SNTG2: variants seen among roughly 807,000 people sequenced by gnomAD.
SNTG2 encodes the protein gamma-2-syntrophin.
A neutral mutation model predicts 70.9 loss-of-function variants in SNTG2; 74 were observed. The observed-to-expected ratio is 1.04, with a 90% confidence interval of 0.86 to 1.27. The LOEUF is 1.27. SNTG2 is among the 50% of genes most tolerant of loss of function. The pLI, the probability that SNTG2 is intolerant of heterozygous loss-of-function variation, is 0.00. For missense variants in SNTG2, 717 were observed against 690.7 expected (o/e 1.04, Z -0.43); for synonymous variants, 278 against 273.8 (o/e 1.02, Z -0.15).
At chr2:1,112,729 G>A (rs960907173) in intron 4 of SNTG2, among the ~76,000 whole-genome samples, 6 of 149,028 alleles carry the variant, frequency 4.0e-5, no homozygotes, top group African/African-American at 1.5e-4. Context: ...CTTTGAGGAG[G>A]ATCGTGTGTA....
intron 1 of SNTG2, among the ~76,000 whole-genome samples, chr2:1,017,748 A>T (rs910989690): frequency 2.0e-5 from 3 of 152,232 alleles, no homozygotes; most frequent in African/African-American, 4.8e-5. Flanking sequence ...CTGATCACAG[A>T]TAAGCATTGC....
At chr2:1,003,230 CT>C (rs1335830853) in intron 1 of SNTG2, among the ~76,000 whole-genome samples, 1 of 152,102 alleles carries the variant, frequency 6.6e-6, no homozygotes, top group African/African-American at 2.4e-5. Flanking sequence ...CACGTACCCC[CT>C]AAATCTATAA....
intron 1 of SNTG2, among the ~76,000 whole-genome samples, chr2:1,080,193 G>A (rs962397133): frequency 6.6e-6 from 1 of 152,182 alleles, no homozygotes; most frequent in African/African-American, 2.4e-5. Context: ...TCGGTCACTG[G>A]GGGATCTGGA....
Position 1,218,102 on chromosome 2 carries a change from T to A in SNTG2, c.719+8872T>A, listed in dbSNP as rs952389654. On this transcript the variant is annotated intron_variant, in intron 9 of 16. Transcript: ENST00000308624. ...TGCTCTCCACCACCAGAGACCACCA[T>A]GTTCATTGACATGGTCACCCTCTGC... Among the ~76,000 whole-genome samples, 4 of 152,000 alleles carry A rather than the reference T, an allele frequency of 2.6e-5. No individual in the cohort carries two copies. The South Asian group carries it at 8.3e-4, about 32-fold the overall frequency.
At chr2:1,214,107 T>C (rs149937417) in intron 9 of SNTG2, among the ~76,000 whole-genome samples, 1 of 152,206 alleles carries the variant, frequency 6.6e-6, no homozygotes, top group Non-Finnish European at 1.5e-5. Flanking sequence ...CATTGGCCAA[T>C]GTACCTGTGT....
chr2:1,269,190 C>G (rs146035536), intron 14 of SNTG2, among the ~76,000 whole-genome samples: 46,460 of 151,920 alleles, frequency 0.31, 8,010 homozygotes, highest in African/African-American at 0.47. Context: ...CCTTATGTTT[C>G]GTACTGTCCT....
intron 8 of SNTG2, among the ~76,000 whole-genome samples, chr2:1,193,246 G>A (rs777039371): frequency 2.6e-5 from 4 of 152,308 alleles, no homozygotes; most frequent in South Asian, 2.1e-4. Flanking sequence ...CTGCCGAGCC[G>A]TGGGGAACTC....
chr2:1,113,799 G>A (rs1192261036), intron 4 of SNTG2, among the ~76,000 whole-genome samples: 1 of 151,792 alleles, frequency 6.6e-6, no homozygotes, highest in East Asian at 1.9e-4. Flanking sequence ...GGAGAATCGT[G>A]TGTACTAAGT....
chr2:1,326,012 T>C (rs1351606853), intron 16 of SNTG2, among the ~76,000 whole-genome samples: 1 of 152,108 alleles, frequency 6.6e-6, no homozygotes, highest in East Asian at 1.9e-4. Flanking sequence ...TTTATATTTT[T>C]AGTAGAGATG....
At chr2:1,128,761 TAACA>T (rs1182900794) in intron 4 of SNTG2, among the ~76,000 whole-genome samples, 7 of 151,998 alleles carry the variant, frequency 4.6e-5, no homozygotes, top group Admixed American at 6.6e-5. Flanking sequence ...TGCACTGGAC[TAACA>T]GACACTGGAA....
At chr2:1,076,359 T>C (rs1663913784) in intron 1 of SNTG2, among the ~76,000 whole-genome samples, 1 of 152,206 alleles carries the variant, frequency 6.6e-6, no homozygotes, top group Non-Finnish European at 1.5e-5. Context: ...TCTTCCTGGC[T>C]CTTTACGCTT....
chr2:997,584 G>A (rs192653922), intron 1 of SNTG2, among the ~76,000 whole-genome samples: 66 of 151,918 alleles, frequency 4.3e-4, no homozygotes, highest in African/African-American at 1.5e-3. Context: ...GAGTGTGGGC[G>A]AGGTGGCCAT....
At chr2:1,136,348 C>T (rs952112747) in intron 4 of SNTG2, among the ~76,000 whole-genome samples, 16 of 151,210 alleles carry the variant, frequency 1.1e-4, no homozygotes, top group Non-Finnish European at 2.9e-5. Context: ...TGAGAGACAC[C>T]GAGAGGGAGG....
intron 4 of SNTG2, among the ~76,000 whole-genome samples, chr2:1,119,218 T>A (rs1192697152): frequency 6.6e-6 from 1 of 151,674 alleles, no homozygotes; most frequent in African/African-American, 2.4e-5. Flanking sequence ...CTTTCCTAGA[T>A]AAAAAAAAGA....
intron 4 of SNTG2, among the ~76,000 whole-genome samples, chr2:1,122,722 CAAA>C (rs60163290): frequency 1.9e-3 from 228 of 121,930 alleles, no homozygotes; most frequent in Middle Eastern, 9.0e-3. Context: ...AGCAATCAGA[CAAA>C]AAAAAAAAAA....
intron 1 of SNTG2, among the ~76,000 whole-genome samples, chr2:1,043,938 A>G (rs1468284350): frequency 6.6e-6 from 1 of 152,134 alleles, no homozygotes; most frequent in African/African-American, 2.4e-5. Flanking sequence ...GGTTTTTCTA[A>G]TTCTGTGAAA....
intron 1 of SNTG2, among the ~76,000 whole-genome samples, chr2:1,010,537 A>G (rs1258996670): frequency 6.6e-6 from 1 of 152,226 alleles, no homozygotes; most frequent in Non-Finnish European, 1.5e-5. Flanking sequence ...TAATTAGAGA[A>G]GTTGGAATAC....
intron 9 of SNTG2, 91 bp downstream of exon 9, chr2:1,209,321 G>C (rs1673886376): frequency 1.3e-6 from 2 of 1,487,650 alleles, no homozygotes; most frequent in Admixed American, 1.8e-5. Flanking sequence ...CAGAGCGCTT[G>C]ACTGTGACAT....
chr2:1,364,582 T>C (rs13397274), intron 16 of SNTG2, among the ~76,000 whole-genome samples: 108,026 of 150,098 alleles, frequency 0.72, 39,175 homozygotes, highest in East Asian at 0.94. Flanking sequence ...CATGAAACCC[T>C]GTCTCCACTA....
Sources: allele counts gnomAD v4.1 joint callset (sites outside exome capture counted in the v4.1 genomes callset), GRCh38; gene constraint gnomAD v4.1.1; transcripts MANE v1.5; gene names NCBI Gene and HGNC (gene_info 2026-07-23, HGNC 2026-07-21).